Variants in KIF9 observed in about 807,000 individuals in gnomAD.
The protein encoded by KIF9 is kinesin family member 9.
Under a neutral mutation model 94.8 loss-of-function variants are expected in KIF9, and 68 were observed. That is an observed-to-expected ratio of 0.72 (90% CI 0.59 to 0.88). KIF9 has a LOEUF of 0.88. KIF9 is among the 40% of genes least tolerant of loss of function. KIF9 has a pLI of 0.00. For synonymous variants in KIF9, 343 were observed against 362.1 expected (o/e 0.95, Z 0.60); for missense variants, 882 against 982.5 (o/e 0.90, Z 1.37).
At chr3:47,235,040 CCT>C (rs1449328950) in intron 20 of KIF9, among the ~76,000 whole-genome samples, 1 of 152,188 alleles carries the variant, frequency 6.6e-6, no homozygotes, top group East Asian at 1.9e-4. Context: ...TGCACAGGGC[CCT>C]CTGTGTTCTG....
chr3:47,247,619 G>A (rs898264287), intron 11 of KIF9, 142 bp from the exon 12 acceptor site: 6 of 671,098 alleles, frequency 8.9e-6, no homozygotes, highest in African/African-American at 5.3e-5. Flanking sequence ...CTTCATCATC[G>A]GGTCCTGCCA....
rs532927875 is a variant in KIF9, at chr3:47,237,098, T to C, written c.1925-479A>G. 4.8e-4 allele frequency among the ~76,000 whole-genome samples: 73 copies of C among 151,916 alleles called. 1 individual carries two copies. The highest frequency in any genetic ancestry group is 9.3e-4 in the Non-Finnish European group (63 of 67,924). ...ATACACACATCCACCAGCTACTTTCTTTTTTTTTCTTTTTGAGATGGAGTC... is the reference window on the plus strand; with the variant it reads ...ATACACACATCCACCAGCTACTTTCCTTTTTTTTCTTTTTGAGATGGAGTC... On this transcript the variant is annotated intron_variant, in intron 17 of 20. Coordinates refer to ENST00000684063, the MANE Select transcript of KIF9 (RefSeq NM_182902.4).
At chr3:47,235,270 G>A (rs1288413711) in intron 20 of KIF9, among the ~76,000 whole-genome samples, 2 of 152,174 alleles carry the variant, frequency 1.3e-5, no homozygotes, top group Non-Finnish European at 2.9e-5. Flanking sequence ...CTTGTTCTGC[G>A]AACCATACAT....
intron 4 of KIF9, among the ~76,000 whole-genome samples, chr3:47,272,913 A>C (rs1701736849): frequency 6.6e-6 from 1 of 152,110 alleles, no homozygotes; most frequent in Admixed American, 6.5e-5. Flanking sequence ...GGCTGCAAAA[A>C]ATCCTGTCCT....
At chr3:47,249,806 C>G (rs1462896632) in intron 10 of KIF9, among the ~76,000 whole-genome samples, 1 of 152,170 alleles carries the variant, frequency 6.6e-6, no homozygotes, top group African/African-American at 2.4e-5. Flanking sequence ...CCCTGCAATT[C>G]CAGTACTTAG....
At chr3:47,237,397 C>T (rs1181764474) in intron 17 of KIF9, among the ~76,000 whole-genome samples, 2 of 152,168 alleles carry the variant, frequency 1.3e-5, no homozygotes, top group Non-Finnish European at 2.9e-5. Flanking sequence ...CGCAGCTCAC[C>T]AGCTACCTTC....
intron 9 of KIF9, among the ~76,000 whole-genome samples, chr3:47,259,355 GC>G (rs762553458): frequency 7.9e-5 from 12 of 152,184 alleles, no homozygotes; most frequent in Admixed American, 2.0e-4. Context: ...CTGCTGCCAA[GC>G]CACAAGGCCA....
At chr3:47,241,455 G>A (rs1396970227) in intron 16 of KIF9, among the ~76,000 whole-genome samples, 1 of 151,416 alleles carries the variant, frequency 6.6e-6, no homozygotes, top group East Asian at 1.9e-4. Flanking sequence ...CTCAGTAGCT[G>A]GGATTACAGG....
chr3:47,243,334 C>T, intron 15 of KIF9, 89 bp from the exon 16 acceptor site: 1 of 1,072,886 alleles, frequency 9.3e-7, no homozygotes, highest in Non-Finnish European at 1.3e-6. Flanking sequence ...GCACTGACTA[C>T]ACTGGGAACC....
Position 47,267,265 on chromosome 3 carries a change from T to A in KIF9, c.592-2A>T, listed in dbSNP as rs763973366. ...GGCTATAATCCTGTTGGTCTCACCC[T>A]GAAGAGGAAGGGAATCATAGGCAAC... On this transcript the variant is annotated splice_acceptor_variant, in intron 5 of 20. Coordinates refer to ENST00000684063, the MANE Select transcript of KIF9 (RefSeq NM_182902.4). LOFTEE classifies it high-confidence loss of function. 2.3e-5 allele frequency: 37 copies of A among 1,609,052 alleles called. No homozygotes were observed. In the Admixed American group the frequency reaches 6.2e-4, roughly 27 times the overall value.
intron 4 of KIF9, 56 bp downstream of exon 4, chr3:47,273,496 T>C (rs1379197572): frequency 2.2e-6 from 3 of 1,381,812 alleles, no homozygotes; most frequent in Non-Finnish European, 3.0e-6. Flanking sequence ...GTCAGTAACA[T>C]CTATGGCAGA....
chr3:47,247,112 C>A (rs577004943), intron 12 of KIF9, among the ~76,000 whole-genome samples: 1 of 152,298 alleles, frequency 6.6e-6, no homozygotes, highest in Admixed American at 6.5e-5. Context: ...CTGAAGTACA[C>A]GAGGTTGAGT....
intron 1 of KIF9, among the ~76,000 whole-genome samples, chr3:47,280,633 G>C (rs1702268198): frequency 6.6e-6 from 1 of 152,220 alleles, no homozygotes; most frequent in Non-Finnish European, 1.5e-5. Context: ...CTTGAGCAGT[G>C]ATGGCACACC....
intron 20 of KIF9, among the ~76,000 whole-genome samples, chr3:47,233,625 G>A (rs1347621938): frequency 1.3e-5 from 2 of 151,878 alleles, no homozygotes; most frequent in Non-Finnish European, 2.9e-5. Context: ...CAATCTGTGA[G>A]GTCGAGGCTG....
At chr3:47,276,473 T>G (rs773286703) in intron 2 of KIF9, among the ~76,000 whole-genome samples, 9 of 151,470 alleles carry the variant, frequency 5.9e-5, no homozygotes, top group Admixed American at 1.3e-4. Context: ...GGACGATCGC[T>G]TGAACCTGGG....
At chr3:47,258,803 C>A (rs1700777958) in intron 9 of KIF9, among the ~76,000 whole-genome samples, 2 of 152,330 alleles carry the variant, frequency 1.3e-5, no homozygotes, top group South Asian at 4.1e-4. Flanking sequence ...GCCAATTAAA[C>A]CTCTTTTCTT....
At chr3:47,255,223 T>C (rs1576009911) in intron 10 of KIF9, among the ~76,000 whole-genome samples, 2 of 152,222 alleles carry the variant, frequency 1.3e-5, no homozygotes, top group East Asian at 3.8e-4. Flanking sequence ...GTTGTATCAA[T>C]TACACTTTGA....
Position 47,236,621 on chromosome 3 carries a change from T to C in KIF9, c.1925-2A>G. ...TCAGCCCCTTGTTTTCGTACTTGCC[T>C]GCAAGGTGATGGAAGAAGTCAGGAA... On this transcript the variant is annotated splice_acceptor_variant, in intron 17 of 20. Transcript: ENST00000684063. LOFTEE classifies it high-confidence loss of function. The C allele has an allele frequency of 6.2e-7, 1 of 1,613,332 alleles. No homozygotes were observed. Among genetic ancestry groups the C allele is most frequent in the Non-Finnish European group, 8.5e-7 (1 of 1,179,890 alleles).
intron 17 of KIF9, chr3:47,240,218 G>A: frequency 4.3e-6 from 1 of 232,426 alleles, no homozygotes. Context: ...CCACGTTGGG[G>A]TTCTTTGCTC....
Sources: gnomAD v4.1 joint callset for allele counts (sites outside exome capture counted in the v4.1 genomes callset) on GRCh38, gnomAD v4.1.1 for gene constraint, MANE v1.5 for transcripts, NCBI Gene and HGNC (gene_info 2026-07-23, HGNC 2026-07-21) for gene names.